The following UACA variants were observed in gnomAD, a reference collection of about 807,000 sequenced individuals.
UACA encodes the protein nuclear membrane binding protein.
In UACA, 112 loss-of-function variants were observed where a neutral mutation model predicts 160.5. The ratio of observed to expected loss-of-function variants is 0.70; its 90% CI spans 0.60 to 0.82. UACA has a LOEUF of 0.82. Ranked by LOEUF, UACA falls within the 40% of genes least tolerant of loss-of-function variation. The probability of loss-of-function intolerance (pLI) is 0.00; values close to 1 mark genes in which losing one functional copy is unlikely to be tolerated. For synonymous variants in UACA, 557 were observed against 568.4 expected, an observed-to-expected ratio of 0.98 and a Z score of 0.29; for missense variants, 1,574 against 1,614.6, an observed-to-expected ratio of 0.97 and a Z score of 0.43.
intron 14 of UACA, 200 bp from the exon 15 acceptor site, chr15:70,671,291 G>T: frequency 2.7e-6 from 1 of 374,480 alleles, no homozygotes. Context: ...CTGAACAACA[G>T]ATACTAGGTT....
rs576256326 is a variant in UACA at position 70,721,117 on chromosome 15, T to A, written c.79-21457A>T. Among the ~76,000 whole-genome samples, 3 of 152,196 alleles carry A rather than the reference T, an allele frequency of 2.0e-5. No individual in the cohort carries two copies. In the South Asian group the frequency reaches 6.2e-4, roughly 32 times the overall value. ...ACAGAAATCAAATGAAACAAAAGGTTAAAGGGGGAGGAATGGCGTTACATA... is the reference window on the plus strand; with the variant it reads ...ACAGAAATCAAATGAAACAAAAGGTAAAAGGGGGAGGAATGGCGTTACATA... On this transcript the variant is annotated intron_variant, in intron 1 of 18. Coordinates refer to ENST00000322954, the MANE Select transcript of UACA (RefSeq NM_018003.4).
In UACA at chr15:70,668,941, TTCA is replaced by T. The variant is rs1483236528; in HGVS notation, c.1740_1742del (p.Asp580del). ...GCTTATTTTCTTCTATCAGCTTGCC[TTCA>T]TCCCTCTTAAACTCTTCTACTATCA... On this transcript the variant is annotated inframe_deletion, in exon 16 of 19. Transcript: ENST00000322954. 1 of 1,613,848 alleles carries T rather than the reference TTCA, an allele frequency of 6.2e-7. No individual in the cohort carries two copies. The highest frequency in any genetic ancestry group is 8.5e-7 in the Non-Finnish European group (1 of 1,180,012).
At chr15:70,712,449 C>A (rs1030402886) in intron 1 of UACA, among the ~76,000 whole-genome samples, 1 of 152,114 alleles carries the variant, frequency 6.6e-6, no homozygotes, top group African/African-American at 2.4e-5. Flanking sequence ...GTTCTCCACA[C>A]TGCGGTCAGT....
chr15:70,763,284 C>T (rs899979945), intron 1 of UACA, 46 bp downstream of exon 1: 1 of 1,314,804 alleles, frequency 7.6e-7, no homozygotes, highest in Non-Finnish European at 9.8e-7. Flanking sequence ...GAGGGCTGCG[C>T]TGCTCCCGGA....
At chr15:70,704,876 C>T (rs1285965956) in intron 1 of UACA, among the ~76,000 whole-genome samples, 1 of 152,212 alleles carries the variant, frequency 6.6e-6, no homozygotes, top group East Asian at 1.9e-4. Context: ...TTCAGAGAGA[C>T]CCCAGGGATG....
intron 1 of UACA, among the ~76,000 whole-genome samples, chr15:70,742,206 T>C (rs1290008715): frequency 1.3e-5 from 2 of 152,228 alleles, no homozygotes; most frequent in East Asian, 3.8e-4. Flanking sequence ...TAAGTAATAA[T>C]AGGCACAAAT....
intron 16 of UACA, among the ~76,000 whole-genome samples, chr15:70,665,516 A>T (rs958736379): frequency 1.3e-5 from 2 of 152,122 alleles, no homozygotes; most frequent in Non-Finnish European, 1.5e-5. Context: ...TAAGGCAGGA[A>T]GATTGTTTAA....
intron 7 of UACA, among the ~76,000 whole-genome samples, chr15:70,685,619 C>CTATT (rs1323043940): frequency 5.3e-5 from 8 of 152,192 alleles, no homozygotes; most frequent in South Asian, 2.1e-4. Context: ...AAACCATATG[C>CTATT]TATTTAGTCT....
chr15:70,738,057 C>T (rs1052708122), intron 1 of UACA, among the ~76,000 whole-genome samples: 1 of 152,106 alleles, frequency 6.6e-6, no homozygotes, highest in Non-Finnish European at 1.5e-5. Flanking sequence ...TTTAAATAGA[C>T]CCATAAGTAT....
At chr15:70,710,635 C>T in intron 1 of UACA, among the ~76,000 whole-genome samples, 1 of 152,196 alleles carries the variant, frequency 6.6e-6, no homozygotes, top group East Asian at 1.9e-4. Context: ...GTTCCCATGA[C>T]CCATGATTAA....
the UACA span, among the ~76,000 whole-genome samples, chr15:70,775,078 A>T: frequency 5.3e-5 from 8 of 152,142 alleles, no homozygotes; most frequent in Admixed American, 1.3e-4. Context: ...AAAAAAGAAA[A>T]TTAAAATACT....
chr15:70,687,915 T>C (rs1897789328), intron 5 of UACA, 95 bp from the exon 6 acceptor site: 2 of 1,209,080 alleles, frequency 1.7e-6, no homozygotes, highest in African/African-American at 3.1e-5. Context: ...GTTTTTCAAT[T>C]TCTAAATTAC....
intron 13 of UACA, 32 bp from the exon 14 acceptor site, chr15:70,672,033 G>A: frequency 1.3e-6 from 2 of 1,570,896 alleles, no homozygotes; most frequent in East Asian, 2.3e-5. Context: ...ATTTTAGGGT[G>A]AATGCTGCCT....
At chr15:70,767,197 G>A (rs1375182714), upstream of UACA, among the ~76,000 whole-genome samples, 3 of 138,934 alleles carry the variant, frequency 2.2e-5, no homozygotes, top group East Asian at 4.2e-4. Flanking sequence ...CCGAGATGGC[G>A]CCACTGCACT....
chr15:70,745,524 T>C (rs1186685325), intron 1 of UACA, among the ~76,000 whole-genome samples: 1 of 149,124 alleles, frequency 6.7e-6, no homozygotes. Context: ...ATCATGAAAA[T>C]AGCCATACAG....
At chr15:70,698,085 C>T (rs1398954671) in intron 2 of UACA, among the ~76,000 whole-genome samples, 1 of 151,944 alleles carries the variant, frequency 6.6e-6, no homozygotes, top group Non-Finnish European at 1.5e-5. Context: ...ATTCTACTCT[C>T]TATGATGAAA....
intron 8 of UACA, among the ~76,000 whole-genome samples, chr15:70,683,615 T>C (rs1056705724): frequency 1.3e-5 from 2 of 152,136 alleles, no homozygotes; most frequent in African/African-American, 4.8e-5. Context: ...GAAACTTAAA[T>C]AAATGGAATC....
At position 70,750,078 on chromosome 15, in the gene UACA, A is replaced by G. The variant is rs2029951108; in HGVS notation, c.78+13252T>C. On this transcript the variant is annotated intron_variant, in intron 1 of 18. Transcript: ENST00000322954. ...GACTTTGGTAAGTCACAACTTCTTC[A>G]GGGTTTCAGGTGGCCTGTGTTTCTC... Among the ~76,000 whole-genome samples the G allele has an allele frequency of 2.6e-5, 4 of 152,126 alleles. No homozygotes were observed. The South Asian group carries it at 8.3e-4, about 32-fold the overall frequency.
chr15:70,751,894 A>C (rs115032780), intron 1 of UACA, among the ~76,000 whole-genome samples: 2 of 151,596 alleles, frequency 1.3e-5, no homozygotes, highest in South Asian at 4.2e-4. Flanking sequence ...GTTAATTTTT[A>C]AAAAAAAACA....
Sources: allele counts gnomAD v4.1 joint callset (sites outside exome capture counted in the v4.1 genomes callset), GRCh38; gene constraint gnomAD v4.1.1; transcripts MANE v1.5; gene names NCBI Gene and HGNC (gene_info 2026-07-23, HGNC 2026-07-21).